GULP1: variants seen among roughly 807,000 people sequenced by gnomAD.
GULP1 encodes GULP PTB domain containing engulfment adaptor 1, also known as PTB domain-containing engulfment adapter protein 1.
GULP1 carries 19 observed loss-of-function variants against 40.9 expected under a neutral mutation model. The observed-to-expected ratio is 0.46, with a 90% CI of 0.32 to 0.68. The LOEUF (loss-of-function observed/expected upper bound fraction) is 0.68. Among genes scored for constraint, GULP1 ranks in the 30% least tolerant of loss-of-function variants. The pLI, the probability that GULP1 is intolerant of heterozygous loss-of-function variation, is 0.03. For missense variants in GULP1, 312 were observed against 362.2 expected, an observed-to-expected ratio of 0.86 and a Z score of 1.12; for synonymous variants, 119 against 117.6, an observed-to-expected ratio of 1.01 and a Z score of -0.08.
rs561820091 is a variant in GULP1, at chr2:188,549,520, A to G, written c.399+8202A>G. Among the ~76,000 whole-genome samples, 4 of 151,990 alleles carry G rather than the reference A, an allele frequency of 2.6e-5. No individual in the cohort carries two copies. In the South Asian group the frequency reaches 8.3e-4, roughly 31 times the overall value. ...GCTGGTAAGAATGGGGAAAAAGTACATCATTCACACATAGCTGATGGAGAT... is the reference window on the plus strand; with the variant it reads ...GCTGGTAAGAATGGGGAAAAAGTACGTCATTCACACATAGCTGATGGAGAT... On this transcript the variant is annotated intron_variant, in intron 7 of 11. Coordinates refer to ENST00000409830, the MANE Select transcript of GULP1 (RefSeq NM_016315.4).
chr2:188,545,222 T>A (rs192105462), intron 7 of GULP1, among the ~76,000 whole-genome samples: 1 of 151,144 alleles, frequency 6.6e-6, no homozygotes, highest in Non-Finnish European at 1.5e-5. Flanking sequence ...ATATCCTAAA[T>A]GAATGGCTAA....
intron 2 of GULP1, among the ~76,000 whole-genome samples, chr2:188,469,689 G>T (rs1162098133): frequency 6.6e-6 from 1 of 152,116 alleles, no homozygotes; most frequent in East Asian, 1.9e-4. Flanking sequence ...GTAGCTGTGG[G>T]TCTGTCATAT....
At chr2:188,583,812 A>G (rs1701808516) in intron 9 of GULP1, among the ~76,000 whole-genome samples, 1 of 152,196 alleles carries the variant, frequency 6.6e-6, no homozygotes, top group African/African-American at 2.4e-5. Flanking sequence ...ATTGCATTTG[A>G]ATGTTTATAT....
chr2:188,370,936 T>G (rs977275689), intron 1 of GULP1, among the ~76,000 whole-genome samples: 6 of 152,094 alleles, frequency 3.9e-5, no homozygotes, highest in African/African-American at 1.4e-4. Context: ...ATTGATAAGA[T>G]TTTTCTCCTC....
intron 4 of GULP1, among the ~76,000 whole-genome samples, chr2:188,507,396 C>CTTTTTTT (rs5837091): frequency 2.3e-4 from 24 of 103,516 alleles, no homozygotes; most frequent in South Asian, 3.2e-4. Context: ...CATTTGTTTT[C>CTTTTTTT]TTTTTTTTTT....
intron 7 of GULP1, among the ~76,000 whole-genome samples, chr2:188,560,407 C>T (rs902640250): frequency 1.3e-5 from 2 of 152,190 alleles, no homozygotes; most frequent in Admixed American, 1.3e-4. Context: ...TCACTGTCTA[C>T]ATCACTATTG....
intron 7 of GULP1, among the ~76,000 whole-genome samples, chr2:188,543,560 A>G (rs1691104918): frequency 6.6e-6 from 1 of 152,180 alleles, no homozygotes; most frequent in African/African-American, 2.4e-5. Context: ...AGAATTTTTG[A>G]TATGCCATCT....
intron 2 of GULP1, among the ~76,000 whole-genome samples, chr2:188,389,641 G>T (rs73038502): frequency 0.014 from 2,095 of 152,208 alleles, 41 homozygotes; most frequent in African/African-American, 0.047. Context: ...AGGTCTTGGG[G>T]TATCAGCGGT....
At chr2:188,339,531 T>C (rs1488546300) in intron 1 of GULP1, among the ~76,000 whole-genome samples, 1 of 152,182 alleles carries the variant, frequency 6.6e-6, no homozygotes, top group Non-Finnish European at 1.5e-5. Context: ...ACTTAAAAAC[T>C]AAGGTTGGAA....
intron 4 of GULP1, among the ~76,000 whole-genome samples, chr2:188,489,895 GA>G (rs1422854147): frequency 6.6e-6 from 1 of 152,028 alleles, no homozygotes; most frequent in Non-Finnish European, 1.5e-5. Context: ...AACAAATGGA[GA>G]AAAGGAAATG....
chr2:188,408,816 T>G (rs889667715), intron 2 of GULP1, among the ~76,000 whole-genome samples: 1 of 152,216 alleles, frequency 6.6e-6, no homozygotes, highest in African/African-American at 2.4e-5. Flanking sequence ...TCATTTCAAG[T>G]ATCTTTTCCA....
At chr2:188,377,413 C>T (rs1341338251) in intron 1 of GULP1, among the ~76,000 whole-genome samples, 1 of 152,080 alleles carries the variant, frequency 6.6e-6, no homozygotes, top group Non-Finnish European at 1.5e-5. Context: ...TCTAAATTTA[C>T]CTACCACTAT....
chr2:188,575,644 C>A (rs1200227346), intron 9 of GULP1, among the ~76,000 whole-genome samples: 3 of 152,158 alleles, frequency 2.0e-5, no homozygotes, highest in African/African-American at 7.2e-5. Flanking sequence ...ATAACAAGAA[C>A]TTTGCAGCTG....
At chr2:188,483,359 C>T (rs1042720678) in intron 3 of GULP1, 72 bp from the exon 4 acceptor site, 11 of 687,118 alleles carry the variant, frequency 1.6e-5, no homozygotes, top group Non-Finnish European at 2.6e-6. Context: ...CCTAAATTAC[C>T]ATACAAATGG....
Position 188,593,866 on chromosome 2 carries a change from A to G in GULP1, c.844-74A>G, listed in dbSNP as rs186343530. ...AGCATGAATATTTCAACTTTAGTGC[A>G]TAGTCTTTTTTATTCACTGATTTTA... On this transcript the variant is annotated intron_variant, in intron 11 of 11. Coordinates refer to ENST00000409830, the MANE Select transcript of GULP1 (RefSeq NM_016315.4). The G allele has an allele frequency of 5.9e-3, 4,914 of 827,724 alleles. 24 individuals carry two copies. Among genetic ancestry groups the G allele is most frequent in the Non-Finnish European group, 8.2e-3 (3,965 of 483,654 alleles). 51.3% of individuals were successfully genotyped at this position (827,724 alleles called of 1,614,324 possible). A position where few individuals can be genotyped will look rare whatever the true frequency, so the allele number is the denominator to read the frequency against.
chr2:188,352,594 G>T (rs1003974557), intron 1 of GULP1, among the ~76,000 whole-genome samples: 6 of 90,226 alleles, frequency 6.6e-5, no homozygotes, highest in African/African-American at 9.5e-5. Flanking sequence ...ACTTGTTCTT[G>T]CTCTCTTTCT....
chr2:188,487,273 A>T, intron 4 of GULP1, among the ~76,000 whole-genome samples: 1 of 151,986 alleles, frequency 6.6e-6, no homozygotes, highest in East Asian at 1.9e-4. Flanking sequence ...ATGTATAATT[A>T]TCCCCCAAAA....
At chr2:188,376,690 T>C (rs771127619) in intron 1 of GULP1, among the ~76,000 whole-genome samples, 4 of 152,214 alleles carry the variant, frequency 2.6e-5, no homozygotes, top group Non-Finnish European at 4.4e-5. Context: ...AGGGATAAAA[T>C]TTGCCAAATT....
chr2:188,592,444 T>C (rs1703752289), intron 11 of GULP1: 1 of 152,046 alleles, frequency 6.6e-6, no homozygotes, highest in Admixed American at 6.6e-5. Flanking sequence ...TTGCTGGCTG[T>C]TTGAAAAATA....
Sources: allele counts gnomAD v4.1 joint callset (sites outside exome capture counted in the v4.1 genomes callset), GRCh38; gene constraint gnomAD v4.1.1; transcripts MANE v1.5; gene names NCBI Gene and HGNC (gene_info 2026-07-23, HGNC 2026-07-21).